Variants in ARIH1 observed in about 807,000 individuals in gnomAD.
The protein encoded by ARIH1 is ariadne RBR E3 ubiquitin protein ligase 1.
Under a neutral mutation model 85.0 loss-of-function variants are expected in ARIH1, and 8 were observed. That is an observed-to-expected ratio of 0.09 (90% CI 0.06 to 0.17). ARIH1 has a LOEUF of 0.17. ARIH1 is among the 10% of genes least tolerant of loss of function. The pLI is 1.00. For missense variants in ARIH1, 311 were observed against 718.1 expected, an observed-to-expected ratio of 0.43 and a Z score of 6.48; for synonymous variants, 238 against 253.6, an observed-to-expected ratio of 0.94 and a Z score of 0.59.
chr15:72,481,403 A>G (rs2063816162), intron 1 of ARIH1, among the ~76,000 whole-genome samples: 1 of 152,200 alleles, frequency 6.6e-6, no homozygotes, highest in Non-Finnish European at 1.5e-5. Context: ...GGGAAGATAA[A>G]TTGTTTAAGA....
chr15:72,557,677 T>A (rs1016282473), intron 5 of ARIH1, among the ~76,000 whole-genome samples: 1 of 152,206 alleles, frequency 6.6e-6, no homozygotes, highest in Non-Finnish European at 1.5e-5. Context: ...TTTTTATAGA[T>A]TGAGCTCTTA....
chr15:72,524,815 T>G (rs1007040486), intron 2 of ARIH1, among the ~76,000 whole-genome samples: 13 of 152,088 alleles, frequency 8.5e-5, no homozygotes, highest in African/African-American at 3.1e-4. Context: ...TAGGAGAAAA[T>G]GATACTTATA....
chr15:72,524,312 T>C (rs2064016457), intron 2 of ARIH1, among the ~76,000 whole-genome samples: 1 of 147,734 alleles, frequency 6.8e-6, no homozygotes, highest in African/African-American at 2.5e-5. Flanking sequence ...AATGGTGCAA[T>C]GTCCACTCAT....
At chr15:72,581,824 A>G (rs1167240582) in intron 12 of ARIH1, 2 of 313,246 alleles carry the variant, frequency 6.4e-6, no homozygotes, top group Non-Finnish European at 1.2e-5. Flanking sequence ...AATCCTTTCA[A>G]ATGGTCTTCA....
intron 10 of ARIH1, 89 bp downstream of exon 10, chr15:72,570,396 T>C: frequency 6.6e-7 from 1 of 1,505,824 alleles, no homozygotes; most frequent in Non-Finnish European, 9.1e-7. Context: ...GATATCACCA[T>C]CTAACTTGCA....
chr15:72,542,949 G>C (rs1367925387), intron 2 of ARIH1, among the ~76,000 whole-genome samples: 1 of 144,022 alleles, frequency 6.9e-6, no homozygotes, highest in Non-Finnish European at 1.5e-5. Context: ...TTTTAAATTT[G>C]AGACAGTCTC....
At chr15:72,580,449 T>C in intron 11 of ARIH1, 1 of 390,094 alleles carries the variant, frequency 2.6e-6, no homozygotes, top group Non-Finnish European at 4.6e-6. Flanking sequence ...ATATACACAG[T>C]AGTGGGATTG....
chr15:72,580,657 T>G lies in ARIH1; in HGVS notation c.1216-74T>G, dbSNP rs1412946450. On this transcript the variant is annotated intron_variant, in intron 11 of 13. Transcript: ENST00000379887. ...TGTGAAGTGAGACTTCATTATGGTT[T>G]TAATTTGATAATCAGCTTTTATGTA... 3 of 1,399,760 alleles carry G rather than the reference T, an allele frequency of 2.1e-6. No individual in the cohort carries two copies. In the African/African-American group the frequency reaches 4.3e-5, roughly 20 times the overall value. The allele number at this position is 1,399,760 out of a possible 1,614,324, so 86.7% of individuals were successfully genotyped here. A position where few individuals can be genotyped will look rare whatever the true frequency, so the allele number is the denominator to read the frequency against.
intron 2 of ARIH1, among the ~76,000 whole-genome samples, chr15:72,530,327 T>A (rs2064050352): frequency 2.0e-5 from 3 of 152,208 alleles, no homozygotes; most frequent in Admixed American, 2.0e-4. Context: ...GCTCTAGCAG[T>A]GTATGTTGAT....
chr15:72,587,817 C>G lies in ARIH1; in HGVS notation c.*4525C>G, dbSNP rs1275827581. 1.3e-5 allele frequency: 2 copies of G among 152,158 alleles called. No homozygotes were observed. The highest frequency in any genetic ancestry group is 6.5e-5 in the Admixed American group (1 of 15,278). 9.4% of individuals were successfully genotyped at this position (152,158 alleles called of 1,614,324 possible). On this transcript the variant is annotated 3_prime_UTR_variant, in exon 14 of 14. Coordinates refer to ENST00000379887, the MANE Select transcript of ARIH1 (RefSeq NM_005744.5). ...AAATAGTGCCTACCAGGGGAGTAAA[C>G]AGACAACTTTTAGGTTTTTAGTTTT...
intron 2 of ARIH1, among the ~76,000 whole-genome samples, chr15:72,523,743 G>A (rs1003241829): frequency 6.6e-6 from 1 of 151,804 alleles, no homozygotes; most frequent in African/African-American, 2.4e-5. Flanking sequence ...TTAGGACAGG[G>A]TTATATGGGA....
chr15:72,505,275 TAAAG>T (rs1229833463), intron 1 of ARIH1, among the ~76,000 whole-genome samples: 4 of 152,210 alleles, frequency 2.6e-5, no homozygotes, highest in Admixed American at 6.5e-5. Context: ...CAGTTATAAA[TAAAG>T]GTAATATTTT....
chr15:72,527,581 C>T lies in ARIH1; in HGVS notation c.443+9447C>T, dbSNP rs1021021950. On this transcript the variant is annotated intron_variant, in intron 2 of 13. Coordinates refer to ENST00000379887, the MANE Select transcript of ARIH1 (RefSeq NM_005744.5). ...TAGTACAAAACTTTTGTGACAGTCA[C>T]CAAATTCATTTTTCTGCTGCCTCAG... Among the ~76,000 whole-genome samples the T allele has an allele frequency of 3.3e-5, 5 of 152,040 alleles. No homozygotes were observed. In the East Asian group the frequency reaches 9.6e-4, roughly 29 times the overall value.
intron 3 of ARIH1, among the ~76,000 whole-genome samples, chr15:72,548,115 T>C (rs2064137582): frequency 6.6e-6 from 1 of 152,148 alleles, no homozygotes. Context: ...GGTAGATAAG[T>C]AGTAAGGTGA....
In ARIH1 at chr15:72,487,448, GTATT is replaced by G. The variant is rs532930545; in HGVS notation, c.375+12438_375+12441del. On this transcript the variant is annotated intron_variant, in intron 1 of 13. Coordinates refer to ENST00000379887, the MANE Select transcript of ARIH1 (RefSeq NM_005744.5). ...AGAAGTATTACCTGATTCTTAGCAA[GTATT>G]TATAAGTGAAAGCCTCTAATGTGGA... 3.9e-5 allele frequency among the ~76,000 whole-genome samples: 6 copies of G among 152,288 alleles called. No homozygotes were observed. The South Asian group carries it at 1.2e-3, about 32-fold the overall frequency.
At chr15:72,567,819 A>G (rs772223060) in intron 9 of ARIH1, among the ~76,000 whole-genome samples, 1 of 152,132 alleles carries the variant, frequency 6.6e-6, no homozygotes, top group Non-Finnish European at 1.5e-5. Flanking sequence ...TGGGTAATGA[A>G]TGGTAGGTTG....
chr15:72,524,400 A>G (rs1263610013), intron 2 of ARIH1, among the ~76,000 whole-genome samples: 2 of 148,794 alleles, frequency 1.3e-5, no homozygotes. Flanking sequence ...TTTTTGGTAG[A>G]GATGGGGTTT....
intron 5 of ARIH1, among the ~76,000 whole-genome samples, chr15:72,556,818 T>C (rs997308028): frequency 6.6e-6 from 1 of 152,242 alleles, no homozygotes; most frequent in Non-Finnish European, 1.5e-5. Context: ...ACATGTGGTA[T>C]TGAGTATTTC....
rs762350693 is a variant in ARIH1 at position 72,563,367 on chromosome 15, T to C, written c.805-27T>C. 5 of 1,595,808 alleles carry C rather than the reference T, an allele frequency of 3.1e-6. No individual in the cohort carries two copies. The South Asian group carries it at 5.5e-5, about 18-fold the overall frequency. ...AGCCACTGTGCCCAGCCAGCTGTCA[T>C]TTTTTATTTTCTAACTTGTATTTCA... On this transcript the variant is annotated intron_variant, in intron 6 of 13. Transcript: ENST00000379887.
Sources: gnomAD v4.1 joint callset for allele counts (sites outside exome capture counted in the v4.1 genomes callset) on GRCh38, gnomAD v4.1.1 for gene constraint, MANE v1.5 for transcripts, NCBI Gene and HGNC (gene_info 2026-07-23, HGNC 2026-07-21) for gene names.